IL1RAPL2: variants seen among roughly 807,000 people sequenced by gnomAD.
IL1RAPL2 encodes the protein interleukin 1 receptor accessory protein like 2.
In IL1RAPL2, 3 loss-of-function variants were observed where a neutral mutation model predicts 44.1. The observed-to-expected ratio is 0.07, with a 90% CI of 0.03 to 0.18. IL1RAPL2 has a LOEUF of 0.18. Among genes scored for constraint, IL1RAPL2 ranks in the 10% least tolerant of loss-of-function variants. The pLI is 1.00. For synonymous variants in IL1RAPL2, 181 were observed against 178.8 expected (o/e 1.01, Z -0.10); for missense variants, 391 against 496.4 (o/e 0.79, Z 2.02).
chrX:105,372,803 A>T (rs1201361705), intron 5 of IL1RAPL2, among the ~76,000 whole-genome samples: 1 of 112,171 alleles, frequency 8.9e-6, no homozygotes, highest in African/African-American at 3.2e-5. Context: ...CCTGTAAAGC[A>T]TGATTTCATT....
intron 5 of IL1RAPL2, among the ~76,000 whole-genome samples, chrX:105,341,357 G>A (rs1350188330): frequency 9.4e-6 from 1 of 106,515 alleles, no homozygotes; most frequent in African/African-American, 3.4e-5. Flanking sequence ...TTTTTTTACT[G>A]AAGATTGTTT....
intron 5 of IL1RAPL2, among the ~76,000 whole-genome samples, chrX:105,378,254 G>C (rs1480318705): frequency 8.9e-6 from 1 of 111,953 alleles, no homozygotes; most frequent in African/African-American, 3.2e-5. Flanking sequence ...GTAGAAGGTA[G>C]ATTCTTGAAG....
At chrX:104,741,526 G>C (rs1450221374) in intron 2 of IL1RAPL2, among the ~76,000 whole-genome samples, 1 of 110,720 alleles carries the variant, frequency 9.0e-6, no homozygotes, top group East Asian at 2.9e-4. Context: ...TTATCTAAAG[G>C]AAAATGTGTA....
At chrX:105,263,535 A>G (rs186007069) in intron 4 of IL1RAPL2, among the ~76,000 whole-genome samples, 4 of 111,747 alleles carry the variant, frequency 3.6e-5, no homozygotes, top group Admixed American at 2.9e-4. Flanking sequence ...TAAATATTTC[A>G]GGTTGGAAAC....
At chrX:105,099,820 A>G (rs1158280128) in intron 2 of IL1RAPL2, among the ~76,000 whole-genome samples, 1 of 110,251 alleles carries the variant, frequency 9.1e-6, no homozygotes, top group Non-Finnish European at 1.9e-5. Context: ...TATCATGAGG[A>G]CAGCACCAAG....
At chrX:104,905,951 C>A (rs1447061617) in intron 2 of IL1RAPL2, among the ~76,000 whole-genome samples, 2 of 109,735 alleles carry the variant, frequency 1.8e-5, no homozygotes, top group Non-Finnish European at 3.8e-5. Context: ...GAATATTCTT[C>A]CATTTGTTTG....
At chrX:105,107,543 T>C (rs976228856) in intron 2 of IL1RAPL2, among the ~76,000 whole-genome samples, 4 of 111,772 alleles carry the variant, frequency 3.6e-5, no homozygotes, top group African/African-American at 1.3e-4. Context: ...TCAAAGCAAT[T>C]TTGTGATTAA....
intron 2 of IL1RAPL2, among the ~76,000 whole-genome samples, chrX:104,992,186 GGATGTTA>G (rs2030674749): frequency 9.0e-6 from 1 of 110,939 alleles, no homozygotes; most frequent in South Asian, 3.8e-4. Context: ...TAGAGAAACT[GGATGTTA>G]CCTTGGAAAC....
At chrX:105,081,408 C>T (rs926433373) in intron 2 of IL1RAPL2, among the ~76,000 whole-genome samples, 2 of 111,250 alleles carry the variant, frequency 1.8e-5, no homozygotes, top group Non-Finnish European at 3.8e-5. Context: ...ATTATTAGAA[C>T]CTTTTCATTA....
chrX:104,662,512 C>T (rs1930420567), intron 2 of IL1RAPL2, among the ~76,000 whole-genome samples: 1 of 111,344 alleles, frequency 9.0e-6, no homozygotes, highest in Admixed American at 9.6e-5. Context: ...TTAAAGGTGT[C>T]ATTCTTTATG....
intron 2 of IL1RAPL2, among the ~76,000 whole-genome samples, chrX:105,127,306 G>A (rs2032984082): frequency 9.0e-6 from 1 of 111,189 alleles, no homozygotes; most frequent in Non-Finnish European, 1.9e-5. Flanking sequence ...AAGAATAAAT[G>A]TATTGCCAGC....
intron 6 of IL1RAPL2, among the ~76,000 whole-genome samples, chrX:105,567,453 T>A (rs777046102): frequency 8.9e-6 from 1 of 112,039 alleles, no homozygotes; most frequent in Admixed American, 9.5e-5. Context: ...AGAATCAGAA[T>A]AATTTTAATG....
At chrX:105,196,774 G>T (rs781903279) in intron 3 of IL1RAPL2, among the ~76,000 whole-genome samples, 1 of 111,545 alleles carries the variant, frequency 9.0e-6, no homozygotes, top group Admixed American at 9.5e-5. Flanking sequence ...CTCAAATAGA[G>T]ACTGGATTAG....
At chrX:104,783,691 C>T (rs1932785332) in intron 2 of IL1RAPL2, among the ~76,000 whole-genome samples, 1 of 108,399 alleles carries the variant, frequency 9.2e-6, no homozygotes, top group Non-Finnish European at 1.9e-5. Flanking sequence ...ATTTCCACTG[C>T]TCAGTGTACA....
At chrX:105,318,423 G>C (rs765900862) in intron 5 of IL1RAPL2, among the ~76,000 whole-genome samples, 1 of 111,875 alleles carries the variant, frequency 8.9e-6, no homozygotes, top group African/African-American at 3.2e-5. Flanking sequence ...ATAAAAGGAA[G>C]ACATTACTGG....
chrX:105,181,136 G>T (rs1556130613), intron 2 of IL1RAPL2, among the ~76,000 whole-genome samples: 1 of 111,690 alleles, frequency 9.0e-6, no homozygotes. Context: ...ATTCATAATA[G>T]TCTCTGATGA....
intron 2 of IL1RAPL2, among the ~76,000 whole-genome samples, chrX:104,909,938 G>C (rs994750333): frequency 8.9e-6 from 1 of 112,297 alleles, no homozygotes; most frequent in Admixed American, 9.4e-5. Context: ...AATGGTGGGC[G>C]CCCCTCCGCC....
intron 2 of IL1RAPL2, among the ~76,000 whole-genome samples, chrX:104,711,979 A>G (rs1024961750): frequency 9.0e-6 from 1 of 111,012 alleles, no homozygotes; most frequent in Non-Finnish European, 1.9e-5. Flanking sequence ...AATGCCTAGT[A>G]AGTTTATTTA....
chrX:104,575,370 T>C (rs1322950193), intron 1 of IL1RAPL2, among the ~76,000 whole-genome samples: 1 of 110,585 alleles, frequency 9.0e-6, no homozygotes, highest in Non-Finnish European at 1.9e-5. Flanking sequence ...AATAATAAGG[T>C]GTTATTTGGA....
Sources: allele counts gnomAD v4.1 joint callset (sites outside exome capture counted in the v4.1 genomes callset), GRCh38; gene constraint gnomAD v4.1.1; transcripts MANE v1.5; gene names NCBI Gene and HGNC (gene_info 2026-07-23, HGNC 2026-07-21).